Variants in ZNF608 observed in about 807,000 individuals in gnomAD.
The protein encoded by ZNF608 is zinc finger protein 608.
ZNF608 carries 12 observed loss-of-function variants against 109.0 expected under a neutral mutation model. The ratio of observed to expected loss-of-function variants is 0.11; its 90% CI spans 0.07 to 0.18. ZNF608 has a LOEUF of 0.18. Among genes scored for constraint, ZNF608 ranks in the 10% least tolerant of loss-of-function variants. The pLI is 1.00. For missense variants in ZNF608, 1,707 were observed against 1,879.3 expected (o/e 0.91, Z 1.70); for synonymous variants, 732 against 717.4 (o/e 1.02, Z -0.33).
chr5:124,652,835 A>G (rs1750851543), intron 3 of ZNF608, among the ~76,000 whole-genome samples: 1 of 152,372 alleles, frequency 6.6e-6, no homozygotes, highest in East Asian at 1.9e-4. Flanking sequence ...TAGTTCTTTA[A>G]AAGTGCAAAT....
chr5:124,697,347 T>C (rs1392965068), intron 3 of ZNF608, among the ~76,000 whole-genome samples: 1 of 151,926 alleles, frequency 6.6e-6, no homozygotes, highest in Non-Finnish European at 1.5e-5. Context: ...ATATACACCA[T>C]GTTTTTTCTG....
chr5:124,743,263 T>A (rs900530364), intron 2 of ZNF608, among the ~76,000 whole-genome samples: 1 of 152,246 alleles, frequency 6.6e-6, no homozygotes, highest in African/African-American at 2.4e-5. Context: ...TACATCCCCT[T>A]TGGCTACATT....
At chr5:124,708,895 G>A (rs966016372) in intron 2 of ZNF608, 6 of 416,284 alleles carry the variant, frequency 1.4e-5, no homozygotes, top group African/African-American at 8.2e-5. Context: ...TCCAAGGCCC[G>A]GTGCAGTGGC....
intron 3 of ZNF608, 127 bp from the exon 4 acceptor site, chr5:124,649,824 G>A (rs901629968): frequency 5.2e-6 from 3 of 575,872 alleles, no homozygotes; most frequent in African/African-American, 3.8e-5. Flanking sequence ...TAAAAGCTGT[G>A]GTTTGCATTC....
At chr5:124,662,221 G>A (rs934114227) in intron 3 of ZNF608, among the ~76,000 whole-genome samples, 13 of 152,228 alleles carry the variant, frequency 8.5e-5, no homozygotes, top group African/African-American at 3.1e-4. Flanking sequence ...CAGCAGCGAT[G>A]TTAGCAGGAA....
At chr5:124,669,530 C>A (rs1186523968) in intron 3 of ZNF608, among the ~76,000 whole-genome samples, 1 of 152,202 alleles carries the variant, frequency 6.6e-6, no homozygotes, top group Admixed American at 6.5e-5. Flanking sequence ...ACGCTATAGG[C>A]TGCAAGGCAC....
Position 124,671,632 on chromosome 5 carries a change from G to A in ZNF608, c.1163-21935C>T, listed in dbSNP as rs185626995. Among the ~76,000 whole-genome samples, 16 of 147,894 alleles carry A rather than the reference G, an allele frequency of 1.1e-4. No homozygotes were observed. The East Asian group carries it at 3.1e-3, about 29-fold the overall frequency. On this transcript the variant is annotated intron_variant, in intron 3 of 9. Transcript: ENST00000513986. ...AGAAACAGGCACATCATACTGTCCTGGGGCTTCTCTTTTTTTTTTTTTTTT... is the reference window on the plus strand; with the variant it reads ...AGAAACAGGCACATCATACTGTCCTAGGGCTTCTCTTTTTTTTTTTTTTTT...
chr5:124,659,793 G>T (rs554665814), intron 3 of ZNF608, among the ~76,000 whole-genome samples: 4 of 152,322 alleles, frequency 2.6e-5, no homozygotes, highest in Admixed American at 1.3e-4. Context: ...GAGCTGTAAG[G>T]AGACAGTGGG....
intron 3 of ZNF608, among the ~76,000 whole-genome samples, chr5:124,699,565 T>A (rs1752971550): frequency 6.6e-6 from 1 of 152,264 alleles, no homozygotes; most frequent in Non-Finnish European, 1.5e-5. Context: ...TCCTTTTCTC[T>A]GATTCTTTCT....
chr5:124,747,315 G>A (rs1367852769), upstream of ZNF608, among the ~76,000 whole-genome samples: 1 of 151,770 alleles, frequency 6.6e-6, no homozygotes, highest in East Asian at 1.9e-4. Flanking sequence ...CCGGAGCTTG[G>A]CTTAGTATTT....
intron 2 of ZNF608, among the ~76,000 whole-genome samples, chr5:124,716,011 C>T (rs1264109703): frequency 2.6e-5 from 4 of 151,680 alleles, no homozygotes; most frequent in African/African-American, 9.7e-5. Context: ...GGCGTGGTGG[C>T]GGGCACCTGT....
Position 124,636,919 on chromosome 5 carries a change from T to TC in ZNF608, c.*980_*981insG, listed in dbSNP as rs1416072776. 1.3e-4 allele frequency: 16 copies of TC among 126,578 alleles called. No individual in the cohort carries two copies. Among genetic ancestry groups the TC allele is most frequent in the Admixed American group, 3.7e-4 (4 of 10,948 alleles). The allele number at this position is 126,578 out of a possible 1,614,324, so 7.8% of individuals were successfully genotyped here. A position where few individuals can be genotyped will look rare whatever the true frequency, so the allele number is the denominator to read the frequency against. ...CATGAGACAGACAAGAAGCCATTAT[T>TC]TAAAAAAAAAAAAACTTTTTAATTC... On this transcript the variant is annotated 3_prime_UTR_variant, in exon 10 of 10. Transcript: ENST00000513986.
chr5:124,708,307 T>C (rs910440822), intron 2 of ZNF608, among the ~76,000 whole-genome samples: 1 of 152,208 alleles, frequency 6.6e-6, no homozygotes, highest in Admixed American at 6.5e-5. Flanking sequence ...ATTTTACAGA[T>C]GAGGAAAAGG....
At chr5:124,715,036 A>G (rs1327198556) in intron 2 of ZNF608, among the ~76,000 whole-genome samples, 1 of 152,208 alleles carries the variant, frequency 6.6e-6, no homozygotes, top group South Asian at 2.1e-4. Flanking sequence ...GTTAACATCC[A>G]TAAGAATTAA....
chr5:124,731,647 G>A (rs1334421482), intron 2 of ZNF608, among the ~76,000 whole-genome samples: 6 of 151,744 alleles, frequency 4.0e-5, no homozygotes, highest in Admixed American at 1.3e-4. Flanking sequence ...CCAACATGGT[G>A]AAACCCCATC....
At chr5:124,699,312 T>C (rs1056365363) in intron 3 of ZNF608, among the ~76,000 whole-genome samples, 1 of 152,184 alleles carries the variant, frequency 6.6e-6, no homozygotes, top group African/African-American at 2.4e-5. Flanking sequence ...ATGGGACCCC[T>C]TGTACTGGAG....
intron 2 of ZNF608, among the ~76,000 whole-genome samples, chr5:124,706,128 T>C (rs1753250189): frequency 6.6e-6 from 1 of 152,152 alleles, no homozygotes; most frequent in East Asian, 1.9e-4. Context: ...GAGCAAAAAG[T>C]AGCGTGTTAA....
intron 3 of ZNF608, among the ~76,000 whole-genome samples, chr5:124,680,719 G>A (rs763652466): frequency 1.3e-5 from 2 of 152,000 alleles, no homozygotes; most frequent in South Asian, 2.1e-4. Flanking sequence ...AAACTTAGAC[G>A]AATTAAAAGC....
rs1750626689 is a variant in ZNF608 at position 124,648,286 on chromosome 5, G to A, written c.2098C>T (p.Leu700=). Residue 700 remains leucine, a synonymous_variant, in exon 5 of 10, where the codon CTG becomes TTG. Coordinates refer to ENST00000513986, the MANE Select transcript of ZNF608 (RefSeq NM_020747.3). ...DGSLAAEMPK[L]EAEGLIDKKN... ...TTGTCAATTAATCCTTCTGCTTCCA[G>A]TTTAGGCATCTCAGCAGCCAAACTG... The A allele has an allele frequency of 1.2e-6, 2 of 1,614,128 alleles. No homozygotes were observed. The highest frequency in any genetic ancestry group is 4.5e-5 in the East Asian group (2 of 44,886).
Sources: allele counts gnomAD v4.1 joint callset (sites outside exome capture counted in the v4.1 genomes callset), GRCh38; gene constraint gnomAD v4.1.1; transcripts MANE v1.5; gene names NCBI Gene and HGNC (gene_info 2026-07-23, HGNC 2026-07-21).